The following G2E3 variants were observed in gnomAD, a reference collection of about 807,000 sequenced individuals.
G2E3 encodes G2/M phase-specific E3 ubiquitin-protein ligase.
A neutral mutation model predicts 92.8 loss-of-function variants in G2E3; 35 were observed. The observed-to-expected ratio is 0.38, with a 90% CI of 0.29 to 0.50. G2E3 has a LOEUF of 0.50. G2E3 is among the 20% of genes least tolerant of loss of function. The pLI is 0.94. For synonymous variants in G2E3, 242 were observed against 272.4 expected (o/e 0.89, Z 1.10); for missense variants, 554 against 823.8 (o/e 0.67, Z 4.01).
chr14:30,565,653 T>TA (rs1317714985), intron 1 of G2E3, among the ~76,000 whole-genome samples: 1 of 63,682 alleles, frequency 1.6e-5, no homozygotes, highest in Admixed American at 1.8e-4. Flanking sequence ...TTCATTCCTT[T>TA]TTTTTTTTTT....
chr14:30,566,240 AT>A (rs1484948530), intron 1 of G2E3, among the ~76,000 whole-genome samples: 8 of 152,132 alleles, frequency 5.3e-5, no homozygotes, highest in African/African-American at 1.7e-4. Context: ...ACTATTCAGG[AT>A]CCCTTGCAGT....
At chr14:30,586,433 A>G (rs1248517644) in intron 2 of G2E3, among the ~76,000 whole-genome samples, 1 of 152,186 alleles carries the variant, frequency 6.6e-6, no homozygotes, top group Non-Finnish European at 1.5e-5. Context: ...TTGGCAGTTT[A>G]ATCAGAGTTT....
intron 4 of G2E3, chr14:30,591,062 T>G: frequency 5.3e-6 from 1 of 187,148 alleles, no homozygotes; most frequent in Non-Finnish European, 1.1e-5. Flanking sequence ...TTTAGATTTT[T>G]GGATTAAGGG....
chr14:30,577,223 CAA>C (rs59757142), intron 1 of G2E3, among the ~76,000 whole-genome samples: 6 of 80,760 alleles, frequency 7.4e-5, no homozygotes, highest in Non-Finnish European at 1.3e-4. Flanking sequence ...GACTCTGTCT[CAA>C]AAAAAAAAAA....
intron 6 of G2E3, among the ~76,000 whole-genome samples, chr14:30,594,165 T>C (rs1410292386): frequency 1.3e-5 from 2 of 152,300 alleles, no homozygotes; most frequent in East Asian, 3.9e-4. Flanking sequence ...ACTTTTCAAG[T>C]AAATAGAATA....
At position 30,612,256 on chromosome 14, in the gene G2E3, G is replaced by A; in HGVS notation, c.1550G>A (p.Cys517Tyr). The part of the protein sequence containing the change: ...VADLKSIINE[C>Y]YNYLELIGCL... ...GACTTAAAGTCAATAATAAATGAATGCTATAACTACCTTGAGTTAATTGGA... is the reference window on the plus strand; with the variant it reads ...GACTTAAAGTCAATAATAAATGAATACTATAACTACCTTGAGTTAATTGGA... Residue 517 changes from cysteine to tyrosine, a missense_variant, in exon 13 of 15, where the codon TGC (cysteine) becomes TAC (tyrosine). Transcript: ENST00000206595. The A allele has an allele frequency of 6.2e-7, 1 of 1,609,058 alleles. No individual in the cohort carries two copies. Among genetic ancestry groups the A allele is most frequent in the Middle Eastern group, 1.7e-4 (1 of 6,026 alleles).
intron 1 of G2E3, among the ~76,000 whole-genome samples, chr14:30,565,921 A>G (rs1359484809): frequency 1.3e-5 from 2 of 151,984 alleles, no homozygotes; most frequent in South Asian, 4.1e-4. Context: ...TCGGCCTCCC[A>G]AAGTGCTGGA....
rs1489876263 is a variant in G2E3 at position 30,582,044 on chromosome 14, T to C, written c.37+928T>C. Among the ~76,000 whole-genome samples the C allele has an allele frequency of 2.0e-5, 3 of 152,250 alleles. No individual in the cohort carries two copies. In the East Asian group the frequency reaches 5.8e-4, roughly 29 times the overall value. Reference sequence around the variant, plus strand: ...AAGGAAATTTATGCTCCTAAACCTCTTCTACTTTCTTTCCCTGCTTCTACC... The same window carrying C: ...AAGGAAATTTATGCTCCTAAACCTCCTCTACTTTCTTTCCCTGCTTCTACC... On this transcript the variant is annotated intron_variant, in intron 2 of 14. Transcript: ENST00000206595.
rs1882471361 is a variant in G2E3 at position 30,619,606 on chromosome 14, T to C, written c.*3072T>C. 6.6e-6 allele frequency: 1 copy of C among 152,180 alleles called. No homozygotes were observed. Among genetic ancestry groups the C allele is most frequent in the Non-Finnish European group, 1.5e-5 (1 of 67,998 alleles). 9.4% of individuals were successfully genotyped at this position (152,180 alleles called of 1,614,324 possible). A position where few individuals can be genotyped will look rare whatever the true frequency, so the allele number is the denominator to read the frequency against. On this transcript the variant is annotated 3_prime_UTR_variant, in exon 15 of 15. Transcript: ENST00000206595. ...ACTTGAATGTATATTATCTGTGGTT[T>C]AGGAAAATTTGGATTGTCTTGAAGA...
chr14:30,612,257 C>T lies in G2E3; in HGVS notation c.1551C>T (p.Cys517=). The T allele has an allele frequency of 6.2e-7, 1 of 1,608,284 alleles. No individual in the cohort carries two copies. ...ACTTAAAGTCAATAATAAATGAATG[C>T]TATAACTACCTTGAGTTAATTGGAT... The part of the protein sequence containing the change: ...VADLKSIINE[C]YNYLELIGCL... Residue 517 remains cysteine, a synonymous_variant, in exon 13 of 15, where the codon TGC becomes TGT. Coordinates refer to ENST00000206595, the MANE Select transcript of G2E3 (RefSeq NM_017769.5).
chr14:30,594,725 A>G (rs1044068395), intron 6 of G2E3, among the ~76,000 whole-genome samples: 3 of 152,074 alleles, frequency 2.0e-5, no homozygotes, highest in Non-Finnish European at 4.4e-5. Context: ...TCTTATTTCA[A>G]TAAAGTCTTA....
intron 1 of G2E3, among the ~76,000 whole-genome samples, chr14:30,580,363 C>A (rs534471141): frequency 6.6e-6 from 1 of 152,014 alleles, no homozygotes; most frequent in Admixed American, 6.6e-5. Flanking sequence ...TGCACCACCA[C>A]GCCCTGCTAA....
At chr14:30,587,880 T>C (rs1220967013) in intron 3 of G2E3, among the ~76,000 whole-genome samples, 1 of 152,214 alleles carries the variant, frequency 6.6e-6, no homozygotes, top group African/African-American at 2.4e-5. Flanking sequence ...TAGAAACAAA[T>C]CATTAAGTCT....
intron 8 of G2E3, among the ~76,000 whole-genome samples, chr14:30,601,425 T>C (rs953920604): frequency 2.6e-5 from 4 of 152,228 alleles, no homozygotes; most frequent in African/African-American, 9.6e-5. Context: ...TCAGACACAC[T>C]GACACAGCAA....
At chr14:30,578,419 C>T (rs1247214506) in intron 1 of G2E3, among the ~76,000 whole-genome samples, 1 of 152,262 alleles carries the variant, frequency 6.6e-6, no homozygotes, top group East Asian at 1.9e-4. Context: ...CCTAACACCA[C>T]CAGGGATAAA....
chr14:30,581,586 C>T (rs117892551), intron 2 of G2E3, among the ~76,000 whole-genome samples: 660 of 152,274 alleles, frequency 4.3e-3, no homozygotes, highest in Non-Finnish European at 7.4e-3. Context: ...CCTGTAATCC[C>T]AGCTACTCGC....
At chr14:30,575,212 G>A (rs1015405335) in intron 1 of G2E3, among the ~76,000 whole-genome samples, 3 of 151,994 alleles carry the variant, frequency 2.0e-5, no homozygotes, top group South Asian at 2.1e-4. Flanking sequence ...TGTTGGTCGC[G>A]TATATGTCTT....
intron 2 of G2E3, among the ~76,000 whole-genome samples, chr14:30,583,111 G>A (rs8022089): frequency 0.029 from 4,392 of 152,166 alleles, 71 homozygotes; most frequent in East Asian, 0.084. Flanking sequence ...GAGTTTCTGC[G>A]GTATGCAATC....
At chr14:30,615,575 A>C in intron 14 of G2E3, 36 bp downstream of exon 14, 2 of 1,285,542 alleles carry the variant, frequency 1.6e-6, no homozygotes, top group Non-Finnish European at 2.1e-6. Context: ...TAACGATCTC[A>C]GAATATTTGT....
Sources: gnomAD v4.1 joint callset for allele counts (sites outside exome capture counted in the v4.1 genomes callset) on GRCh38, gnomAD v4.1.1 for gene constraint, MANE v1.5 for transcripts, NCBI Gene and HGNC (gene_info 2026-07-23, HGNC 2026-07-21) for gene names.